CDK13: variants seen among roughly 807,000 people sequenced by gnomAD.
The protein encoded by CDK13 is cyclin-dependent kinase 13.
CDK13 carries 40 observed loss-of-function variants against 137.6 expected under a neutral mutation model. That is an observed-to-expected ratio of 0.29 (90% CI 0.23 to 0.38). The LOEUF is 0.38. CDK13 is among the 10% of genes least tolerant of loss of function. The pLI is 1.00. For missense variants in CDK13, 1,704 were observed against 1,951.8 expected (o/e 0.87, Z 2.39); for synonymous variants, 869 against 760.1 (o/e 1.14, Z -2.36).
intron 1 of CDK13, among the ~76,000 whole-genome samples, chr7:39,959,500 ACT>A (rs72127524): frequency 0.089 from 12,788 of 143,500 alleles, 1,757 homozygotes; most frequent in African/African-American, 0.32. Flanking sequence ...ACCGGGTCTC[ACT>A]CTGTCACCCA....
chr7:40,042,375 C>T (rs1785626870), intron 5 of CDK13, among the ~76,000 whole-genome samples: 1 of 151,050 alleles, frequency 6.6e-6, no homozygotes, highest in South Asian at 2.1e-4. Context: ...GCCACCACAC[C>T]CAGCCGTTTT....
At chr7:40,032,011 G>A (rs1019925047) in intron 5 of CDK13, among the ~76,000 whole-genome samples, 8 of 151,858 alleles carry the variant, frequency 5.3e-5, no homozygotes, top group Non-Finnish European at 1.2e-4. Context: ...AGTCTGACTT[G>A]TCTTTTCGTT....
rs1215351105 is a variant in CDK13 at position 40,092,818 on chromosome 7, G to A, written c.3269G>A (p.Ser1090Asn). The A allele has an allele frequency of 6.2e-7, 1 of 1,614,128 alleles. No homozygotes were observed. Among genetic ancestry groups the A allele is most frequent in the South Asian group, 1.1e-5 (1 of 91,084 alleles). Residue 1090 changes from serine to asparagine, a missense_variant, in exon 13 of 14, where the codon AGT becomes AAT. This residue lies in a region of CDK13 where 475 missense variants were observed against 579.3 expected (regional missense o/e 0.82). Coordinates refer to ENST00000181839, the MANE Select transcript of CDK13 (RefSeq NM_003718.5). ...KTGPGQHLNHSELAILLNLLQ... is the reference protein window; with the variant it reads ...KTGPGQHLNHNELAILLNLLQ... ...GGCCCTGGACAGCACTTAAACCACA[G>A]TGAATTGGCAATTCTACTAAACCTA...
chr7:39,976,315 T>TCACACACA (rs1263912236), intron 1 of CDK13, among the ~76,000 whole-genome samples: 9 of 68,688 alleles, frequency 1.3e-4, no homozygotes, highest in South Asian at 6.7e-4. Flanking sequence ...TCTCTCTCTC[T>TCACACACA]CTCTCTCTCA....
At chr7:39,965,660 A>G (rs1783855170) in intron 1 of CDK13, among the ~76,000 whole-genome samples, 2 of 152,282 alleles carry the variant, frequency 1.3e-5, no homozygotes, top group Admixed American at 6.5e-5. Flanking sequence ...TCCTGTCATT[A>G]TGATGTTAGC....
At chr7:40,032,702 T>C (rs1785405882) in intron 5 of CDK13, among the ~76,000 whole-genome samples, 1 of 152,236 alleles carries the variant, frequency 6.6e-6, no homozygotes, top group Admixed American at 6.5e-5. Context: ...ACTGTTTTTT[T>C]AATGGATGCA....
chr7:40,015,786 T>C (rs371603557), intron 5 of CDK13, among the ~76,000 whole-genome samples: 18 of 152,240 alleles, frequency 1.2e-4, no homozygotes, highest in Middle Eastern at 3.4e-3. Context: ...TTAGAAGCAG[T>C]CTCTAATTGT....
At chr7:40,069,567 T>G (rs544038956) in intron 9 of CDK13, 1 of 288,088 alleles carries the variant, frequency 3.5e-6, no homozygotes, top group Admixed American at 4.1e-5. Flanking sequence ...CCTCACCTTA[T>G]TTACAGTAAT....
intron 5 of CDK13, among the ~76,000 whole-genome samples, chr7:40,039,774 T>C (rs113486477): frequency 9.2e-5 from 14 of 152,264 alleles, no homozygotes; most frequent in African/African-American, 3.1e-4. Flanking sequence ...AAGTTGCAGC[T>C]AATTTTTTTC....
intron 11 of CDK13, among the ~76,000 whole-genome samples, chr7:40,086,367 G>A (rs1786788245): frequency 3.3e-5 from 5 of 152,134 alleles, no homozygotes; most frequent in Admixed American, 1.3e-4. Context: ...CCAGGTTGAG[G>A]ATTATAGGTA....
chr7:39,951,219 G>A lies in CDK13; in HGVS notation c.578G>A (p.Gly193Glu), dbSNP rs1289619135. 12 of 1,267,104 alleles carry A rather than the reference G, an allele frequency of 9.5e-6. No individual in the cohort carries two copies. The East Asian group carries it at 3.8e-4, about 40-fold the overall frequency. The allele number at this position is 1,267,104 out of a possible 1,614,324, so 78.5% of individuals were successfully genotyped here. A position where few individuals can be genotyped will look rare whatever the true frequency, so the allele number is the denominator to read the frequency against. ...TCCGGCACCCAGCGGCGCGGGGAGG[G>A]GTCGGAGCGCAGGCCCCGCCGGGAC... ...SSSGTQRRGE[G>E]SERRPRRDRR... The change falls in exon 1 of 14, where the codon GGG (glycine) becomes GAG (glutamate). Residue 193 changes from glycine to glutamate, a missense_variant. Transcript: ENST00000181839.
intron 7 of CDK13, among the ~76,000 whole-genome samples, chr7:40,050,927 A>G (rs1229798520): frequency 1.3e-5 from 2 of 152,312 alleles, no homozygotes; most frequent in Middle Eastern, 3.4e-3. Flanking sequence ...TTTGGAATAG[A>G]TATGTTTCAG....
chr7:39,985,093 T>C lies in CDK13; in HGVS notation c.1212-2506T>C, dbSNP rs552152619. Reference sequence around the variant, plus strand: ...TCATTCTTTGTATTTTTTGTGCCCATTAACCCTCCCCCGACCCTCCACCAT... The same window carrying C: ...TCATTCTTTGTATTTTTTGTGCCCACTAACCCTCCCCCGACCCTCCACCAT... On this transcript the variant is annotated intron_variant, in intron 1 of 13. Coordinates refer to ENST00000181839, the MANE Select transcript of CDK13 (RefSeq NM_003718.5). The C allele has an allele frequency of 3.3e-5, 5 of 151,826 alleles. No individual in the cohort carries two copies. The East Asian group carries it at 9.7e-4, about 29-fold the overall frequency. 9.4% of individuals were successfully genotyped at this position (151,826 alleles called of 1,614,324 possible).
At chr7:39,973,227 C>G (rs1784037362) in intron 1 of CDK13, among the ~76,000 whole-genome samples, 1 of 152,176 alleles carries the variant, frequency 6.6e-6, no homozygotes, top group Non-Finnish European at 1.5e-5. Context: ...GCCTCCATCT[C>G]TAGGACTCAA....
In CDK13 at chr7:39,950,791, A is replaced by ACCGCCGCCGCCC. The variant is rs915919248; in HGVS notation, c.159_170dup (p.Pro54_Pro57dup). On this transcript the variant is annotated inframe_insertion, in exon 1 of 14. Transcript: ENST00000181839. ...CGCTCCTGCAGCCGCAGCTCCTGCAACCGCCGCCGCCCCCGCCGCCTCTGC... is the reference window on the plus strand; with the variant it reads ...CGCTCCTGCAGCCGCAGCTCCTGCAACCGCCGCCGCCCCCGCCGCCGCCCCCGCCGCCTCTGC... 5.5e-6 allele frequency: 8 copies of ACCGCCGCCGCCC among 1,463,408 alleles called. No individual in the cohort carries two copies. The African/African-American group carries it at 8.9e-5, about 16-fold the overall frequency. The allele number at this position is 1,463,408 out of a possible 1,614,324, so 90.7% of individuals were successfully genotyped here. A position where few individuals can be genotyped will look rare whatever the true frequency, so the allele number is the denominator to read the frequency against.
chr7:40,042,772 G>C (rs924558165), intron 5 of CDK13, among the ~76,000 whole-genome samples: 9 of 147,904 alleles, frequency 6.1e-5, no homozygotes, highest in Non-Finnish European at 1.2e-4. Context: ...GAGCCACCGT[G>C]CTCCAGCCCT....
intron 12 of CDK13, among the ~76,000 whole-genome samples, chr7:40,091,570 C>T (rs1467930122): frequency 6.6e-6 from 1 of 151,898 alleles, no homozygotes; most frequent in African/African-American, 2.4e-5. Context: ...TCCTCTGAGT[C>T]ATTTTCTTCT....
chr7:40,013,556 A>G (rs1784941195), intron 5 of CDK13, among the ~76,000 whole-genome samples: 1 of 152,244 alleles, frequency 6.6e-6, no homozygotes, highest in Non-Finnish European at 1.5e-5. Context: ...TATCTAGAAT[A>G]GGTGCCAAAT....
At chr7:39,993,987 G>A (rs911497545) in intron 2 of CDK13, among the ~76,000 whole-genome samples, 6 of 152,082 alleles carry the variant, frequency 3.9e-5, no homozygotes, top group Middle Eastern at 3.4e-3. Flanking sequence ...TGATAATAAG[G>A]TATGGTATTT....
Sources: gnomAD v4.1 joint callset for allele counts (sites outside exome capture counted in the v4.1 genomes callset) on GRCh38, gnomAD v4.1.1 for gene constraint, gnomAD v4.1.1 regional missense constraint, MANE v1.5 for transcripts, NCBI Gene and HGNC (gene_info 2026-07-23, HGNC 2026-07-21) for gene names.